PRR5L: variants seen among roughly 807,000 people sequenced by gnomAD.
The protein encoded by PRR5L is proline rich 5 like.
PRR5L carries 21 observed loss-of-function variants against 36.4 expected under a neutral mutation model. The observed-to-expected ratio is 0.58, with a 90% CI of 0.41 to 0.83. The LOEUF is 0.83. PRR5L is among the 40% of genes least tolerant of loss of function. The pLI is 0.00. For synonymous variants in PRR5L, 188 were observed against 197.0 expected (o/e 0.95, Z 0.38); for missense variants, 381 against 473.3 (o/e 0.80, Z 1.81).
intron 1 of PRR5L, among the ~76,000 whole-genome samples, chr11:36,369,796 C>A (rs545759641): frequency 6.6e-6 from 1 of 152,230 alleles, no homozygotes; most frequent in African/African-American, 2.4e-5. Flanking sequence ...GGGGTTTCAC[C>A]ATGTTGGCCA....
At chr11:36,412,349 A>G (rs1203658741) in intron 3 of PRR5L, among the ~76,000 whole-genome samples, 2 of 152,200 alleles carry the variant, frequency 1.3e-5, no homozygotes, top group African/African-American at 4.8e-5. Flanking sequence ...TGCTCAATAA[A>G]CTTTAATTGG....
rs766919713 is a variant in PRR5L at position 36,462,709 on chromosome 11, G to C, written c.1080G>C (p.Ser360=). The change falls in exon 9 of 9, where the codon TCG becomes TCC. Residue 360 remains serine (S), a synonymous_variant. Coordinates refer to ENST00000530639, the MANE Select transcript of PRR5L (RefSeq NM_001160167.2). ...EEGARGSQEG[S]ELNCASLS ...GGGCCAGGGGCAGCCAGGAGGGCTC[G>C]GAGCTGAACTGTGCTTCCCTCAGCT... The C allele has an allele frequency of 6.3e-7, 1 of 1,582,262 alleles. No individual in the cohort carries two copies. Among genetic ancestry groups the C allele is most frequent in the East Asian group, 2.2e-5 (1 of 44,650 alleles).
At chr11:36,359,480 TATC>T (rs1197109242) in intron 1 of PRR5L, among the ~76,000 whole-genome samples, 13 of 152,244 alleles carry the variant, frequency 8.5e-5, no homozygotes, top group Admixed American at 4.6e-4. Flanking sequence ...ACATATTAAT[TATC>T]ATTTTATTCT....
intron 1 of PRR5L, among the ~76,000 whole-genome samples, chr11:36,310,995 CAAAAAA>C (rs59947428): frequency 7.9e-5 from 7 of 88,432 alleles, no homozygotes; most frequent in South Asian, 4.5e-4. Context: ...ACTCCGTCTC[CAAAAAA>C]AAAAAAAAAA....
At chr11:36,333,019 C>T (rs577666403) in intron 1 of PRR5L, among the ~76,000 whole-genome samples, 1 of 152,368 alleles carries the variant, frequency 6.6e-6, no homozygotes, top group African/African-American at 2.4e-5. Flanking sequence ...AATCTACCAT[C>T]ATCTGTTGTC....
chr11:36,366,075 C>A (rs2133506552), intron 1 of PRR5L, among the ~76,000 whole-genome samples: 1 of 152,338 alleles, frequency 6.6e-6, no homozygotes, highest in South Asian at 2.1e-4. Context: ...AGTTTTGCAA[C>A]TTCCTCTTCC....
chr11:36,462,355 C>G lies in PRR5L; in HGVS notation c.726C>G (p.Ser242=). The part of the protein sequence containing the change: ...GPTYTLARRH[S]RVRPKVTVLN... ...TTTCTCTTGCAGCCAGGCGGCACTC[C>G]AGGGTCCGGCCCAAGGTGACTGTCC... The change falls in exon 9 of 9, where the codon TCC becomes TCG. Residue 242 remains serine (S), a synonymous_variant. Coordinates refer to ENST00000530639, the MANE Select transcript of PRR5L (RefSeq NM_001160167.2). 6.7e-7 allele frequency: 1 copy of G among 1,498,100 alleles called. No individual in the cohort carries two copies. The highest frequency in any genetic ancestry group is 1.8e-4 in the Middle Eastern group (1 of 5,540). The allele number at this position is 1,498,100 out of a possible 1,614,324, so 92.8% of individuals were successfully genotyped here. A position where few individuals can be genotyped will look rare whatever the true frequency, so the allele number is the denominator to read the frequency against.
chr11:36,337,713 C>CA (rs1328621114), intron 1 of PRR5L, among the ~76,000 whole-genome samples: 1 of 152,230 alleles, frequency 6.6e-6, no homozygotes, highest in Non-Finnish European at 1.5e-5. Context: ...CTCCACACCA[C>CA]ATATTCATCT....
intron 1 of PRR5L, among the ~76,000 whole-genome samples, chr11:36,330,091 A>G (rs1476079846): frequency 1.3e-5 from 2 of 152,232 alleles, no homozygotes; most frequent in Admixed American, 1.3e-4. Context: ...TATTAAACTT[A>G]CGCAAATAGC....
chr11:36,427,467 T>TAC (rs1356240805), intron 4 of PRR5L, among the ~76,000 whole-genome samples: 2 of 152,140 alleles, frequency 1.3e-5, no homozygotes, highest in Non-Finnish European at 2.9e-5. Context: ...TCTGTTACCA[T>TAC]ACAGCTCCAT....
chr11:36,353,921 A>C (rs1857000866), intron 1 of PRR5L, among the ~76,000 whole-genome samples: 1 of 152,084 alleles, frequency 6.6e-6, no homozygotes, highest in Non-Finnish European at 1.5e-5. Context: ...AAAATGAGAG[A>C]CCATTTCTAG....
intron 1 of PRR5L, among the ~76,000 whole-genome samples, chr11:36,319,358 A>G (rs990945359): frequency 2.0e-5 from 3 of 152,268 alleles, no homozygotes; most frequent in Admixed American, 6.5e-5. Context: ...GACAGAAGCC[A>G]AGAGATGGAC....
chr11:36,328,370 T>C (rs1856685828), intron 1 of PRR5L, among the ~76,000 whole-genome samples: 1 of 152,130 alleles, frequency 6.6e-6, no homozygotes, highest in Non-Finnish European at 1.5e-5. Flanking sequence ...TGATTGATCA[T>C]GGGGGCGCAT....
intron 1 of PRR5L, among the ~76,000 whole-genome samples, chr11:36,373,731 T>G (rs544832556): frequency 7.0e-6 from 1 of 143,574 alleles, no homozygotes; most frequent in South Asian, 2.1e-4. Flanking sequence ...TCGTATGTTG[T>G]GAATACTTCT....
intron 4 of PRR5L, among the ~76,000 whole-genome samples, chr11:36,423,490 A>C (rs1485422642): frequency 6.6e-6 from 1 of 152,192 alleles, no homozygotes; most frequent in African/African-American, 2.4e-5. Context: ...AGCTGGATGG[A>C]GAGAAGATCA....
chr11:36,351,658 A>T (rs12795193), intron 1 of PRR5L, among the ~76,000 whole-genome samples: 18 of 992 alleles, frequency 0.018, 5 homozygotes, highest in African/African-American at 0.039. Context: ...TATTTATATA[A>T]ATATATATTT....
chr11:36,461,292 GT>G (rs1241195665), intron 8 of PRR5L, among the ~76,000 whole-genome samples: 1 of 152,066 alleles, frequency 6.6e-6, no homozygotes, highest in East Asian at 1.9e-4. Flanking sequence ...AAATGTCTAG[GT>G]TTAGCACAGT....
At chr11:36,419,373 A>G in intron 4 of PRR5L, 70 bp downstream of exon 4, 1 of 1,305,978 alleles carries the variant, frequency 7.7e-7, no homozygotes, top group East Asian at 2.3e-5. Context: ...AGGGGTGGCC[A>G]ATACTGTACA....
chr11:36,408,431 T>C (rs1326404074), intron 3 of PRR5L, among the ~76,000 whole-genome samples: 1 of 152,174 alleles, frequency 6.6e-6, no homozygotes, highest in East Asian at 1.9e-4. Flanking sequence ...GCTTGCACAT[T>C]GTAATATCTC....
Sources: gnomAD v4.1 joint callset for allele counts (sites outside exome capture counted in the v4.1 genomes callset) on GRCh38, gnomAD v4.1.1 for gene constraint, MANE v1.5 for transcripts, NCBI Gene and HGNC (gene_info 2026-07-23, HGNC 2026-07-21) for gene names.